The following KLF12 variants were observed in gnomAD, a reference collection of about 807,000 sequenced individuals.
KLF12 encodes KLF transcription factor 12, also known as Krueppel-like factor 12.
KLF12 carries 9 observed loss-of-function variants against 37.8 expected under a neutral mutation model. The observed-to-expected ratio is 0.24, with a 90% CI of 0.14 to 0.42. The LOEUF is 0.42. KLF12 is among the 10% of genes least tolerant of loss of function. The pLI is 1.00. For missense variants in KLF12, 411 were observed against 516.0 expected, an observed-to-expected ratio of 0.80 and a Z score of 1.97; for synonymous variants, 208 against 202.1, an observed-to-expected ratio of 1.03 and a Z score of -0.25.
intron 1 of KLF12, among the ~76,000 whole-genome samples, chr13:74,074,260 C>G (rs551416389): frequency 6.6e-5 from 10 of 152,232 alleles, no homozygotes; most frequent in African/African-American, 2.4e-4. Context: ...ATCCAAGCAA[C>G]TCTAGGGAAG....
intron 4 of KLF12, chr13:73,844,964 T>C (rs981655544): frequency 6.6e-6 from 1 of 152,180 alleles, no homozygotes; most frequent in South Asian, 2.1e-4. Flanking sequence ...GCTTGGTTTT[T>C]AGATTCATGG....
At chr13:73,813,861 G>C (rs1883072102) in intron 4 of KLF12, among the ~76,000 whole-genome samples, 1 of 152,168 alleles carries the variant, frequency 6.6e-6, no homozygotes, top group Non-Finnish European at 1.5e-5. Flanking sequence ...TGGCAGAAGT[G>C]GTAGCATTTT....
chr13:74,028,146 G>A (rs1330524441), intron 1 of KLF12, among the ~76,000 whole-genome samples: 2 of 152,118 alleles, frequency 1.3e-5, no homozygotes, highest in Non-Finnish European at 2.9e-5. Context: ...AGAGTCAAAA[G>A]CACGTTGATA....
At chr13:74,275,843 T>TTTC in the KLF12 span, among the ~76,000 whole-genome samples, 3 of 122,824 alleles carry the variant, frequency 2.4e-5, no homozygotes, top group Admixed American at 2.6e-4. Flanking sequence ...TCTTTCTTTC[T>TTTC]TTCTTTCTTT....
chr13:74,229,687 T>A, the KLF12 span, among the ~76,000 whole-genome samples: 7 of 152,138 alleles, frequency 4.6e-5, no homozygotes, highest in South Asian at 8.3e-4. Context: ...TCCTTTCCAT[T>A]TTTTCATAGG....
chr13:73,943,275 A>C (rs540041178), intron 3 of KLF12, among the ~76,000 whole-genome samples: 1 of 152,338 alleles, frequency 6.6e-6, no homozygotes, highest in East Asian at 1.9e-4. Context: ...CCACATGAGC[A>C]GCACTTTATC....
the KLF12 span, among the ~76,000 whole-genome samples, chr13:74,292,688 C>T: frequency 2.0e-5 from 3 of 152,090 alleles, no homozygotes; most frequent in Non-Finnish European, 2.9e-5. Context: ...AGTGTACCTT[C>T]GTCACTTTCT....
At chr13:74,238,955 AT>A in the KLF12 span, among the ~76,000 whole-genome samples, 1 of 148,488 alleles carries the variant, frequency 6.7e-6, no homozygotes, top group Non-Finnish European at 1.5e-5. Flanking sequence ...TTCTGCTCTG[AT>A]TTTAGTTATT....
intron 1 of KLF12, among the ~76,000 whole-genome samples, chr13:74,058,796 T>C (rs1450139502): frequency 2.6e-5 from 4 of 152,202 alleles, no homozygotes; most frequent in Non-Finnish European, 4.4e-5. Flanking sequence ...TCTTATTTTC[T>C]ACTTATTTGA....
chr13:74,019,300 A>G (rs1593834518), intron 1 of KLF12, among the ~76,000 whole-genome samples: 1 of 152,248 alleles, frequency 6.6e-6, no homozygotes, highest in Admixed American at 6.5e-5. Flanking sequence ...TTTCATTACA[A>G]AACTATATCT....
At position 73,830,384 on chromosome 13, in the gene KLF12, T is replaced by C. The variant is rs74407358; in HGVS notation, c.670+15443A>G. Among the ~76,000 whole-genome samples the C allele has an allele frequency of 6.3e-4, 96 of 152,288 alleles. 4 individuals are homozygous for C. In the East Asian group the frequency reaches 0.018, roughly 29 times the overall value. On this transcript the variant is annotated intron_variant, in intron 4 of 7. Coordinates refer to ENST00000377669, the MANE Select transcript of KLF12 (RefSeq NM_007249.5). Reference sequence around the variant, plus strand: ...CTACAAAAACAGAAAAGATACTATATGGCTCTGAAAAGACACTGAAACAAA... The same window carrying C: ...CTACAAAAACAGAAAAGATACTATACGGCTCTGAAAAGACACTGAAACAAA...
intron 6 of KLF12, among the ~76,000 whole-genome samples, chr13:73,726,995 T>C (rs1876714841): frequency 6.6e-6 from 1 of 152,206 alleles, no homozygotes; most frequent in South Asian, 2.1e-4. Context: ...GTTGTAAAGT[T>C]GTACCTCACT....
intron 3 of KLF12, among the ~76,000 whole-genome samples, chr13:73,852,181 T>C (rs187429602): frequency 1.1e-3 from 168 of 152,330 alleles, no homozygotes; most frequent in African/African-American, 3.7e-3. Flanking sequence ...ATGGTCATAA[T>C]TTACCTTGCT....
At chr13:73,967,314 T>G (rs1194110078) in intron 2 of KLF12, among the ~76,000 whole-genome samples, 1 of 152,118 alleles carries the variant, frequency 6.6e-6, no homozygotes, top group African/African-American at 2.4e-5. Flanking sequence ...AATGCCAAGG[T>G]GAAGGAGCCT....
At chr13:73,738,939 T>A (rs1198904408) in intron 6 of KLF12, among the ~76,000 whole-genome samples, 1 of 152,058 alleles carries the variant, frequency 6.6e-6, no homozygotes, top group African/African-American at 2.4e-5. Flanking sequence ...TAAAACGGAA[T>A]AAATAACGTA....
chr13:74,148,961 C>A, the KLF12 span, among the ~76,000 whole-genome samples: 2 of 152,148 alleles, frequency 1.3e-5, no homozygotes, highest in South Asian at 4.1e-4. Context: ...ATTACAGGCA[C>A]CTGCCACCAG....
the KLF12 span, among the ~76,000 whole-genome samples, chr13:74,251,404 C>T: frequency 6.6e-6 from 1 of 152,056 alleles, no homozygotes; most frequent in African/African-American, 2.4e-5. Context: ...CCTTGGCCTC[C>T]CAAAGGGCTG....
the KLF12 span, among the ~76,000 whole-genome samples, chr13:74,283,969 C>G: frequency 1.3e-5 from 2 of 151,716 alleles, no homozygotes; most frequent in Non-Finnish European, 2.9e-5. Flanking sequence ...ATGCCATTCT[C>G]CTACCTCAGC....
intron 3 of KLF12, among the ~76,000 whole-genome samples, chr13:73,935,224 A>T (rs899702910): frequency 2.0e-5 from 3 of 151,978 alleles, no homozygotes; most frequent in Non-Finnish European, 4.4e-5. Flanking sequence ...CCTGACCTCA[A>T]GTGACCCACA....
Sources: gnomAD v4.1 joint callset for allele counts (sites outside exome capture counted in the v4.1 genomes callset) on GRCh38, gnomAD v4.1.1 for gene constraint, MANE v1.5 for transcripts, NCBI Gene and HGNC (gene_info 2026-07-23, HGNC 2026-07-21) for gene names.